Variants in FAM169A observed in about 807,000 individuals in gnomAD.
The protein encoded by FAM169A is family with sequence similarity 169 member A, also known as soluble lamin-associated protein of 75 kDa.
A neutral mutation model predicts 75.7 loss-of-function variants in FAM169A; 24 were observed. The observed-to-expected ratio is 0.32, with a 90% CI of 0.23 to 0.45. The LOEUF is 0.45. FAM169A is among the 20% of genes least tolerant of loss of function. The probability of loss-of-function intolerance (pLI) is 1.00; values close to 1 mark genes in which losing one functional copy is unlikely to be tolerated. For synonymous variants in FAM169A, 271 were observed against 271.0 expected (o/e 1.00, Z 0.00); for missense variants, 673 against 784.0 (o/e 0.86, Z 1.69).
chr5:74,790,432 A>G (rs1050924582), intron 11 of FAM169A, among the ~76,000 whole-genome samples: 8 of 152,208 alleles, frequency 5.3e-5, no homozygotes, highest in African/African-American at 1.9e-4. Flanking sequence ...AATGGTTTGG[A>G]TGACGGTCAG....
intron 1 of FAM169A, among the ~76,000 whole-genome samples, chr5:74,860,359 G>C (rs1353543053): frequency 1.3e-5 from 2 of 152,170 alleles, no homozygotes; most frequent in African/African-American, 2.4e-5. Flanking sequence ...ATAACAATAA[G>C]TCAAACTCAC....
intron 11 of FAM169A, among the ~76,000 whole-genome samples, chr5:74,793,572 G>C (rs538922258): frequency 6.6e-6 from 1 of 152,086 alleles, no homozygotes; most frequent in African/African-American, 2.4e-5. Flanking sequence ...GGTAGGAGGC[G>C]GGTGAGGGAT....
chr5:74,829,071 C>T (rs1483283262), intron 5 of FAM169A, among the ~76,000 whole-genome samples: 1 of 152,156 alleles, frequency 6.6e-6, no homozygotes. Context: ...CCTGAATAAA[C>T]TAAAAATATT....
chr5:74,829,763 C>T (rs1748215877), intron 5 of FAM169A, among the ~76,000 whole-genome samples: 1 of 152,154 alleles, frequency 6.6e-6, no homozygotes, highest in Non-Finnish European at 1.5e-5. Context: ...CATCTGAGGT[C>T]AGGAGATCGA....
Position 74,781,833 on chromosome 5 carries a change from A to T in FAM169A, c.1640T>A (p.Val547Glu). Residue 547 changes from valine to glutamate, a missense_variant, in exon 13 of 13, where the codon GTG becomes GAG. Val to Glu is a moderately radical substitution (Grantham distance 121). Around this residue, in one of 3 missense-constraint regions of FAM169A, gnomAD observed 510 missense variants for 550.9 expected, o/e 0.93. Transcript: ENST00000687041. ...CGGTTCTTCGGAAAATTCAGCTATC[A>T]CAGAGTTTGGAAAACCACCATCAGA... ...ERSDGGFPNSVIAEFSEEPVS... is the reference protein window; with the variant it reads ...ERSDGGFPNSEIAEFSEEPVS... The T allele has an allele frequency of 6.2e-7, 1 of 1,614,104 alleles. No individual in the cohort carries two copies. Among genetic ancestry groups the T allele is most frequent in the Non-Finnish European group, 8.5e-7 (1 of 1,180,008 alleles).
At chr5:74,801,799 A>G (rs1022161314) in intron 8 of FAM169A, among the ~76,000 whole-genome samples, 170 bp from the exon 9 acceptor site, 1 of 152,218 alleles carries the variant, frequency 6.6e-6, no homozygotes, top group Non-Finnish European at 1.5e-5. Flanking sequence ...TTCAGTTTAA[A>G]AGACTGAGAA....
At position 74,778,717 on chromosome 5, in the gene FAM169A, A is replaced by G. The variant is rs1236218949; in HGVS notation, c.*2743T>C. 1 of 152,126 alleles carries G rather than the reference A, an allele frequency of 6.6e-6. No homozygotes were observed. The highest frequency in any genetic ancestry group is 2.4e-5 in the African/African-American group (1 of 41,464). 9.4% of individuals were successfully genotyped at this position (152,126 alleles called of 1,614,324 possible). The stretch of plus-strand genomic sequence containing the variant: ...TGAATAATTTAAACTTGAAAGAACT[A>G]AAATACTAATAACCATCTGCTTTAT... On this transcript the variant is annotated 3_prime_UTR_variant, in exon 13 of 13. Transcript: ENST00000687041.
At chr5:74,784,014 T>C (rs1478850961) in intron 11 of FAM169A, among the ~76,000 whole-genome samples, 2 of 152,080 alleles carry the variant, frequency 1.3e-5, no homozygotes, top group Non-Finnish European at 2.9e-5. Context: ...AAAAATTGTC[T>C]ATAAAATATC....
At chr5:74,815,861 G>C (rs554202310) in intron 5 of FAM169A, among the ~76,000 whole-genome samples, 1 of 152,274 alleles carries the variant, frequency 6.6e-6, no homozygotes, top group East Asian at 1.9e-4. Context: ...GCAACATCAG[G>C]AAGTTACCCA....
Position 74,805,178 on chromosome 5 carries a change from T to C in FAM169A, c.777A>G (p.Gln259=), listed in dbSNP as rs776774728. 6 of 1,613,950 alleles carry C rather than the reference T, an allele frequency of 3.7e-6. No individual in the cohort carries two copies. In the South Asian group the frequency reaches 5.5e-5, roughly 15 times the overall value. The change falls in exon 7 of 13, where the codon CAA becomes CAG. Residue 259 remains glutamine (Q), a synonymous_variant. Transcript: ENST00000687041. The part of the protein sequence containing the change: ...YQRIPVTRAL[Q]REALKILALS... ...TACCTAGAATTTTAAGTGCTTCTCT[T>C]TGTAATGCTCTGGTGACTGGTATTC...
chr5:74,866,655 TG>T, upstream of FAM169A: 1 of 822,156 alleles, frequency 1.2e-6, no homozygotes, highest in Non-Finnish European at 1.5e-6. Context: ...GGCAATGGCC[TG>T]GTATTAAAGA....
chr5:74,800,877 T>C lies in FAM169A; in HGVS notation c.1103+3A>G. On this transcript the variant is annotated splice_donor_region_variant and intron_variant, in intron 10 of 12. Transcript: ENST00000687041. ...AATGAGAGTAAAATCAACAATTATT[T>C]ACTTGTTTATTGAAGCTGTAAGTGA... The C allele has an allele frequency of 7.2e-7, 1 of 1,397,544 alleles. No individual in the cohort carries two copies. Among genetic ancestry groups the C allele is most frequent in the Non-Finnish European group, 9.4e-7 (1 of 1,068,136 alleles). 86.6% of individuals were successfully genotyped at this position (1,397,544 alleles called of 1,614,324 possible).
chr5:74,821,085 T>C (rs1209270206), intron 5 of FAM169A, among the ~76,000 whole-genome samples: 2 of 152,202 alleles, frequency 1.3e-5, no homozygotes, highest in Non-Finnish European at 2.9e-5. Flanking sequence ...TCTATTCTTT[T>C]AATTTACTTT....
At chr5:74,805,976 CA>C (rs370761667) in intron 6 of FAM169A, among the ~76,000 whole-genome samples, 3,583 of 85,200 alleles carry the variant, frequency 0.042, 38 homozygotes, top group South Asian at 0.073. Flanking sequence ...TTAAAAGCTC[CA>C]AAAAAAAAAA....
At chr5:74,791,469 C>A (rs1344746307) in intron 11 of FAM169A, among the ~76,000 whole-genome samples, 1 of 152,172 alleles carries the variant, frequency 6.6e-6, no homozygotes, top group African/African-American at 2.4e-5. Flanking sequence ...AACAATGATT[C>A]CATTAAACTG....
chr5:74,803,030 G>C (rs1270602292), intron 8 of FAM169A, among the ~76,000 whole-genome samples: 5 of 152,052 alleles, frequency 3.3e-5, no homozygotes, highest in African/African-American at 1.2e-4. Flanking sequence ...AGTTTAATAT[G>C]ATAAACATTT....
chr5:74,850,481 C>G (rs1580165520), intron 1 of FAM169A, among the ~76,000 whole-genome samples: 1 of 152,230 alleles, frequency 6.6e-6, no homozygotes, highest in African/African-American at 2.4e-5. Context: ...TGTTTTAGGC[C>G]TTCAAAAGCA....
intron 1 of FAM169A, among the ~76,000 whole-genome samples, chr5:74,857,924 G>A (rs1413674180): frequency 1.3e-5 from 2 of 151,768 alleles, no homozygotes; most frequent in Non-Finnish European, 2.9e-5. Context: ...GATGCTACTC[G>A]GATACAAAAA....
chr5:74,799,700 G>C lies in FAM169A; in HGVS notation c.1103+1180C>G, dbSNP rs181701072. 167 of 1,256,470 alleles carry C rather than the reference G, an allele frequency of 1.3e-4. No individual in the cohort carries two copies. The African/African-American group carries it at 2.3e-3, about 17-fold the overall frequency. The allele number at this position is 1,256,470 out of a possible 1,614,324, so 77.8% of individuals were successfully genotyped here. ...ATGTCTGCTGCTGATGCCTCAAAAA[G>C]TGTGCATGTCTCAATCTGAAGACGG... On this transcript the variant is annotated intron_variant, in intron 10 of 12. Transcript: ENST00000687041.
Sources: gnomAD v4.1 joint callset for allele counts (sites outside exome capture counted in the v4.1 genomes callset) on GRCh38, gnomAD v4.1.1 for gene constraint, gnomAD v4.1.1 regional missense constraint, MANE v1.5 for transcripts, NCBI Gene and HGNC (gene_info 2026-07-23, HGNC 2026-07-21) for gene names.